The following NAALADL2 variants were observed in gnomAD, a reference collection of about 807,000 sequenced individuals.
NAALADL2 encodes the protein N-acetylated alpha-linked acidic dipeptidase like 2, also known as inactive N-acetylated-alpha-linked acidic dipeptidase-like protein 2.
A neutral mutation model predicts 87.2 loss-of-function variants in NAALADL2; 76 were observed. The ratio of observed to expected loss-of-function variants is 0.87; its 90% CI spans 0.72 to 1.05. The LOEUF (loss-of-function observed/expected upper bound fraction) is 1.05, where lower values mean the gene tolerates loss of function less well. Ranked by LOEUF, NAALADL2 falls within the 50% of genes least tolerant of loss-of-function variation. The probability of loss-of-function intolerance (pLI) is 0.00; values close to 1 mark genes in which losing one functional copy is unlikely to be tolerated. For missense variants in NAALADL2, 1,089 were observed against 945.8 expected (o/e 1.15, Z -1.99); for synonymous variants, 354 against 331.0 (o/e 1.07, Z -0.75).
chr3:174,926,914 T>C (rs1444758381), intron 1 of NAALADL2, among the ~76,000 whole-genome samples: 1 of 151,418 alleles, frequency 6.6e-6, no homozygotes, highest in Non-Finnish European at 1.5e-5. Context: ...GACTGGCAAA[T>C]TGGATAAAGA....
At chr3:175,244,834 C>T (rs907184941) in intron 3 of NAALADL2, among the ~76,000 whole-genome samples, 1 of 152,134 alleles carries the variant, frequency 6.6e-6, no homozygotes, top group Non-Finnish European at 1.5e-5. Flanking sequence ...TATTACATTA[C>T]CTATGTTTTA....
At chr3:175,117,271 TTAAAC>T (rs377656146) in intron 2 of NAALADL2, among the ~76,000 whole-genome samples, 90,062 of 150,288 alleles carry the variant, frequency 0.6, 27,291 homozygotes, top group African/African-American at 0.73. Context: ...TGGGATCTAA[TTAAAC>T]TAAAGAGCTT....
intron 6 of NAALADL2, among the ~76,000 whole-genome samples, chr3:175,462,807 C>T (rs374521492): frequency 6.6e-6 from 1 of 151,940 alleles, no homozygotes; most frequent in African/African-American, 2.4e-5. Context: ...AAAGGTAGAG[C>T]GATTAGTACA....
At chr3:175,517,752 G>T (rs1732061185) in intron 9 of NAALADL2, among the ~76,000 whole-genome samples, 2 of 152,012 alleles carry the variant, frequency 1.3e-5, no homozygotes. Flanking sequence ...GAAAAAGAAA[G>T]ATAAAGGAAA....
At position 174,608,647 on chromosome 3, in the gene NAALADL2, G is replaced by A. The variant is rs1269735353; in HGVS notation, c.-115+58010G>A. 2.0e-5 allele frequency among the ~76,000 whole-genome samples: 3 copies of A among 152,006 alleles called. No individual in the cohort carries two copies. The East Asian group carries it at 5.8e-4, about 29-fold the overall frequency. On this transcript the variant is annotated intron_variant, in intron 2 of 3. Coordinates refer to the NAALADL2 transcript ENST00000434257. ...GAATCCCTGAATAGACCAATAACAGGCTCTGAAATTGTGGCAATAATCAAT... is the reference window on the plus strand; with the variant it reads ...GAATCCCTGAATAGACCAATAACAGACTCTGAAATTGTGGCAATAATCAAT...
intron 1 of NAALADL2, among the ~76,000 whole-genome samples, chr3:174,990,617 C>G (rs552960244): frequency 1.3e-5 from 2 of 151,920 alleles, no homozygotes; most frequent in African/African-American, 4.8e-5. Flanking sequence ...TCGATAAAAA[C>G]CAAAAAAAGC....
At chr3:175,071,315 A>T (rs1358532939) in intron 1 of NAALADL2, among the ~76,000 whole-genome samples, 1 of 152,154 alleles carries the variant, frequency 6.6e-6, no homozygotes, top group African/African-American at 2.4e-5. Context: ...ATTATAGGTC[A>T]TGTATTCCTT....
chr3:175,245,173 T>C (rs1244394985), intron 3 of NAALADL2, among the ~76,000 whole-genome samples: 1 of 152,146 alleles, frequency 6.6e-6, no homozygotes, highest in Non-Finnish European at 1.5e-5. Flanking sequence ...GTAATATAAA[T>C]AGCTAAAGGA....
At chr3:175,670,659 A>G (rs908382524) in intron 11 of NAALADL2, among the ~76,000 whole-genome samples, 1 of 149,694 alleles carries the variant, frequency 6.7e-6, no homozygotes, top group East Asian at 1.9e-4. Flanking sequence ...AGGAATTTTC[A>G]ATCCTCCAAG....
At chr3:175,773,799 C>T (rs951910558) in intron 13 of NAALADL2, 7 of 152,022 alleles carry the variant, frequency 4.6e-5, no homozygotes, top group Non-Finnish European at 4.4e-5. Context: ...GCAGTAAACA[C>T]TAGCTATTTG....
At chr3:175,657,659 C>A (rs1315110510) in intron 11 of NAALADL2, among the ~76,000 whole-genome samples, 1 of 151,462 alleles carries the variant, frequency 6.6e-6, no homozygotes, top group Non-Finnish European at 1.5e-5. Context: ...GGGCTCACTG[C>A]AAGCTCCGCC....
chr3:175,291,352 A>T (rs907560427), intron 4 of NAALADL2, among the ~76,000 whole-genome samples: 1 of 152,160 alleles, frequency 6.6e-6, no homozygotes, highest in Admixed American at 6.5e-5. Flanking sequence ...TGCTTATTAT[A>T]TATTTGCATG....
chr3:174,487,712 C>T (rs1347804482), intron 1 of NAALADL2, among the ~76,000 whole-genome samples: 11 of 143,960 alleles, frequency 7.6e-5, no homozygotes, highest in African/African-American at 2.3e-4. Context: ...TTTTTTTTAA[C>T]AATAGTAAGT....
rs577044966 is a variant in NAALADL2, at chr3:175,572,971, A to G, written c.1654-3070A>G. ...TGCAATGTTAGAAAGGTGCATATGT[A>G]AGAAACTAACACCTTTTGTCAGAGG... On this transcript the variant is annotated intron_variant, in intron 9 of 13. Coordinates refer to ENST00000454872, the MANE Select transcript of NAALADL2 (RefSeq NM_207015.3). Among the ~76,000 whole-genome samples the G allele has an allele frequency of 1.8e-4, 27 of 152,330 alleles. No homozygotes were observed. In the East Asian group the frequency reaches 4.8e-3, roughly 27 times the overall value.
intron 1 of NAALADL2, among the ~76,000 whole-genome samples, chr3:174,529,270 T>A (rs1228299523): frequency 6.6e-6 from 1 of 152,154 alleles, no homozygotes; most frequent in Non-Finnish European, 1.5e-5. Context: ...TCCAAAATGA[T>A]CTTTGACTCC....
intron 1 of NAALADL2, among the ~76,000 whole-genome samples, chr3:175,013,146 T>A (rs1419433001): frequency 1.2e-3 from 126 of 106,766 alleles, no homozygotes; most frequent in African/African-American, 1.9e-3. Flanking sequence ...AAATATGTAA[T>A]ACATATTTAT....
chr3:175,392,087 A>G lies in NAALADL2; in HGVS notation c.1091-55142A>G, dbSNP rs187022733. ...CACAGTTTCTAAGAAACAGCGTCCT[A>G]TATTTGAACCCAAATAGTCTGGCTC... On this transcript the variant is annotated intron_variant, in intron 5 of 13. Coordinates refer to ENST00000454872, the MANE Select transcript of NAALADL2 (RefSeq NM_207015.3). Among the ~76,000 whole-genome samples, 85 of 152,330 alleles carry G rather than the reference A, an allele frequency of 5.6e-4. 1 individual carries two copies. The highest frequency in any genetic ancestry group is 5.6e-3 in the Admixed American group (85 of 15,300).
chr3:175,367,963 G>A (rs1765868848), intron 5 of NAALADL2, among the ~76,000 whole-genome samples: 1 of 152,084 alleles, frequency 6.6e-6, no homozygotes, highest in South Asian at 2.1e-4. Flanking sequence ...TCCAGTTTTT[G>A]CCCATTCATT....
chr3:175,069,910 G>T (rs1044050326), intron 1 of NAALADL2, among the ~76,000 whole-genome samples: 4 of 144,282 alleles, frequency 2.8e-5, no homozygotes, highest in Non-Finnish European at 6.0e-5. Context: ...ACTATCGCAA[G>T]AACAAAAAAC....
Sources: gnomAD v4.1 joint callset for allele counts (sites outside exome capture counted in the v4.1 genomes callset) on GRCh38, gnomAD v4.1.1 for gene constraint, MANE v1.5 for transcripts, NCBI Gene and HGNC (gene_info 2026-07-23, HGNC 2026-07-21) for gene names.